IL1RAPL1: variants seen among roughly 807,000 people sequenced by gnomAD.
IL1RAPL1 encodes interleukin-1 receptor accessory protein-like 1.
A neutral mutation model predicts 48.4 loss-of-function variants in IL1RAPL1; 3 were observed. That is an observed-to-expected ratio of 0.06 (90% CI 0.03 to 0.16). IL1RAPL1 has a LOEUF of 0.16. IL1RAPL1 is among the 10% of genes least tolerant of loss of function. The pLI is 1.00. For missense variants in IL1RAPL1, 349 were observed against 530.6 expected, an observed-to-expected ratio of 0.66 and a Z score of 3.36; for synonymous variants, 185 against 187.7, an observed-to-expected ratio of 0.99 and a Z score of 0.12.
intron 6 of IL1RAPL1, among the ~76,000 whole-genome samples, chrX:29,814,408 T>C (rs940406560): frequency 1.8e-5 from 2 of 111,811 alleles, no homozygotes; most frequent in Non-Finnish European, 3.8e-5. Flanking sequence ...TCTTATCTTT[T>C]GCCCGTTTTT....
chrX:28,593,945 A>C (rs1236608201), intron 1 of IL1RAPL1, among the ~76,000 whole-genome samples: 2 of 111,270 alleles, frequency 1.8e-5, no homozygotes, highest in African/African-American at 3.3e-5. Context: ...CCATTAATTG[A>C]GAAAATGCAT....
intron 3 of IL1RAPL1, among the ~76,000 whole-genome samples, chrX:29,342,177 T>G (rs12393281): frequency 9.2e-6 from 1 of 109,026 alleles, no homozygotes; most frequent in African/African-American, 3.4e-5. Context: ...TGTTTGTTTG[T>G]TTTTGTAATT....
intron 2 of IL1RAPL1, among the ~76,000 whole-genome samples, chrX:29,208,477 C>T (rs1462640418): frequency 3.6e-5 from 4 of 110,238 alleles, no homozygotes; most frequent in Non-Finnish European, 7.6e-5. Context: ...TTTGGGAGGC[C>T]GAGGTGGGCG....
chrX:29,168,067 A>G (rs942933255), intron 2 of IL1RAPL1, among the ~76,000 whole-genome samples: 1 of 110,700 alleles, frequency 9.0e-6, no homozygotes. Flanking sequence ...TTTATACTTA[A>G]CACATAATAA....
intron 1 of IL1RAPL1, among the ~76,000 whole-genome samples, chrX:28,614,534 G>T: frequency 9.0e-6 from 1 of 111,344 alleles, no homozygotes; most frequent in East Asian, 2.8e-4. Context: ...TGTTAATGTG[G>T]TGATTTTCAG....
At chrX:28,769,738 G>C (rs916163562) in intron 1 of IL1RAPL1, among the ~76,000 whole-genome samples, 7 of 111,480 alleles carry the variant, frequency 6.3e-5, no homozygotes, top group African/African-American at 2.0e-4. Context: ...GAGGTTCTGA[G>C]TGCAAGAGGG....
chrX:29,199,848 G>A (rs1346159527), intron 2 of IL1RAPL1, among the ~76,000 whole-genome samples: 8 of 111,561 alleles, frequency 7.2e-5, no homozygotes, highest in African/African-American at 6.5e-5. Context: ...GGTATGAAAC[G>A]AATGGAAGTA....
chrX:29,319,152 A>G (rs373759607), intron 3 of IL1RAPL1, among the ~76,000 whole-genome samples: 17 of 74,103 alleles, frequency 2.3e-4, no homozygotes, highest in Admixed American at 1.1e-3. Flanking sequence ...ATATCTGTCT[A>G]TCTGTCTGTC....
intron 2 of IL1RAPL1, among the ~76,000 whole-genome samples, chrX:29,093,072 CA>C (rs1345706523): frequency 8.9e-6 from 1 of 111,970 alleles, no homozygotes; most frequent in African/African-American, 3.2e-5. Context: ...GCCATCTTTT[CA>C]TAAATTTTCA....
chrX:29,437,976 A>G (rs1261506624), intron 5 of IL1RAPL1, among the ~76,000 whole-genome samples: 2 of 111,087 alleles, frequency 1.8e-5, no homozygotes, highest in Non-Finnish European at 3.8e-5. Flanking sequence ...TAAATGTTTC[A>G]TAGAATTTTC....
intron 2 of IL1RAPL1, among the ~76,000 whole-genome samples, chrX:29,067,398 A>G (rs1440605604): frequency 8.9e-6 from 1 of 112,476 alleles, no homozygotes; most frequent in African/African-American, 3.2e-5. Flanking sequence ...TAGCTTCTCA[A>G]TCATCTTTGG....
At chrX:29,898,464 G>A (rs1193134780) in intron 6 of IL1RAPL1, among the ~76,000 whole-genome samples, 1 of 112,013 alleles carries the variant, frequency 8.9e-6, no homozygotes, top group Non-Finnish European at 1.9e-5. Context: ...GCACCAAGGA[G>A]TTAACGATAT....
At chrX:29,083,528 G>A (rs1927887990) in intron 2 of IL1RAPL1, among the ~76,000 whole-genome samples, 1 of 111,469 alleles carries the variant, frequency 9.0e-6, no homozygotes, top group Admixed American at 9.5e-5. Flanking sequence ...TTGCTTCTTG[G>A]CATGCTTTTA....
At chrX:29,651,855 A>G (rs139038033) in intron 5 of IL1RAPL1, among the ~76,000 whole-genome samples, 1 of 111,905 alleles carries the variant, frequency 8.9e-6, no homozygotes, top group African/African-American at 3.2e-5. Context: ...ATGGATATAT[A>G]CTTCAAAATA....
At chrX:29,306,062 C>G (rs921996440) in intron 3 of IL1RAPL1, among the ~76,000 whole-genome samples, 3 of 111,129 alleles carry the variant, frequency 2.7e-5, no homozygotes, top group Non-Finnish European at 3.8e-5. Flanking sequence ...GATGGGAAAC[C>G]CAGAGGCAAT....
chrX:29,498,317 A>C (rs1935235649), intron 5 of IL1RAPL1, among the ~76,000 whole-genome samples: 1 of 111,300 alleles, frequency 9.0e-6, no homozygotes, highest in Non-Finnish European at 1.9e-5. Flanking sequence ...GAGGATGGAA[A>C]TGTGATTTCT....
intron 2 of IL1RAPL1, among the ~76,000 whole-genome samples, chrX:29,074,142 A>G (rs1488303845): frequency 2.7e-5 from 3 of 112,050 alleles, no homozygotes; most frequent in Admixed American, 1.9e-4. Context: ...TTTTTCAGTT[A>G]TGGAAGGTGA....
At chrX:29,525,208 T>G (rs914778613) in intron 5 of IL1RAPL1, among the ~76,000 whole-genome samples, 2 of 112,060 alleles carry the variant, frequency 1.8e-5, no homozygotes, top group Admixed American at 9.5e-5. Flanking sequence ...GGTTAACACC[T>G]CATTTTTGGC....
intron 6 of IL1RAPL1, among the ~76,000 whole-genome samples, chrX:29,679,840 G>A (rs1315685591): frequency 2.7e-5 from 3 of 111,566 alleles, no homozygotes; most frequent in African/African-American, 9.8e-5. Flanking sequence ...AGAGAACATC[G>A]GTGACTATTA....
Sources: gnomAD v4.1 joint callset for allele counts (sites outside exome capture counted in the v4.1 genomes callset) on GRCh38, gnomAD v4.1.1 for gene constraint, MANE v1.5 for transcripts, NCBI Gene and HGNC (gene_info 2026-07-23, HGNC 2026-07-21) for gene names.